Variants in DHX15 observed in about 807,000 individuals in gnomAD.
The protein encoded by DHX15 is DEAH-box helicase 15.
In DHX15, 11 loss-of-function variants were observed where a neutral mutation model predicts 94.4. The ratio of observed to expected loss-of-function variants is 0.12; its 90% CI spans 0.07 to 0.19. The LOEUF (loss-of-function observed/expected upper bound fraction) is 0.19, where lower values mean the gene tolerates loss of function less well. DHX15 is among the 10% of genes least tolerant of loss of function. The probability of loss-of-function intolerance (pLI) is 1.00; values close to 1 mark genes in which losing one functional copy is unlikely to be tolerated. For synonymous variants in DHX15, 338 were observed against 329.9 expected (o/e 1.02, Z -0.27); for missense variants, 304 against 988.5 (o/e 0.31, Z 9.29).
chr4:24,537,265 C>A lies in DHX15; in HGVS notation c.1787-92G>T. 6.4e-7 allele frequency: 1 copy of A among 1,562,212 alleles called. No homozygotes were observed. Among genetic ancestry groups the A allele is most frequent in the Non-Finnish European group, 8.7e-7 (1 of 1,149,532 alleles). On this transcript the variant is annotated intron_variant, in intron 10 of 13. Coordinates refer to ENST00000336812, the MANE Select transcript of DHX15 (RefSeq NM_001358.3). The surrounding 1 kb of genome is among the most constrained non-coding windows in gnomAD (Gnocchi z 4.7). ...GGAACAAGGCCTAGCTAGGTCAGTT[C>A]ACAGAGCATAGGGCAGGGCAGGATG...
chr4:24,547,931 A>ATATATC (rs1721478899), intron 6 of DHX15, among the ~76,000 whole-genome samples: 22 of 36,318 alleles, frequency 6.1e-4, no homozygotes, highest in African/African-American at 2.9e-3. Flanking sequence ...ATATATATAT[A>ATATATC]TATATATATA....
Position 24,540,920 on chromosome 4 carries a change from G to T in DHX15, c.1514C>A (p.Ser505Tyr). The change falls in exon 9 of 14, where the codon TCT (serine) becomes TAT (tyrosine). Residue 505 changes from serine to tyrosine, a missense_variant. Ser to Tyr is a moderately radical substitution (Grantham distance 144). Coordinates refer to ENST00000336812, the MANE Select transcript of DHX15 (RefSeq NM_001358.3). ...TTGTAACACAACTGATCCTAAATTAGAACGCAAAATCTCAGGATAGGTGTT... is the reference window on the plus strand; with the variant it reads ...TTGTAACACAACTGATCCTAAATTATAACGCAAAATCTCAGGATAGGTGTT... ...QDNTYPEILR[S>Y]NLGSVVLQLK... 1 of 1,607,258 alleles carries T rather than the reference G, an allele frequency of 6.2e-7. No individual in the cohort carries two copies. The highest frequency in any genetic ancestry group is 1.1e-5 in the South Asian group (1 of 90,402).
intron 3 of DHX15, among the ~76,000 whole-genome samples, chr4:24,569,525 G>C (rs1414014717): frequency 6.8e-6 from 1 of 146,204 alleles, no homozygotes; most frequent in Non-Finnish European, 1.5e-5. Flanking sequence ...CCGGGAGGCG[G>C]AGGTTGCAGA....
rs200816492 is a variant in DHX15, at chr4:24,531,389, GT to G, written c.2100+1474del. Among the ~76,000 whole-genome samples the G allele has an allele frequency of 4.0e-3, 610 of 151,648 alleles. 4 individuals carry two copies. Among genetic ancestry groups the G allele is most frequent in the African/African-American group, 0.014 (566 of 41,452 alleles). ...AGGCGTGAGCCACAGCGCCCGGCCA[GT>G]TTTTTTCTGAAATATAAAAAGCAAA... On this transcript the variant is annotated intron_variant, in intron 12 of 13. Transcript: ENST00000336812.
In DHX15 at chr4:24,533,064, T is replaced by G. The variant is rs3828558; in HGVS notation, c.1910-10A>C. 1 of 1,607,722 alleles carries G rather than the reference T, an allele frequency of 6.2e-7. No individual in the cohort carries two copies. The highest frequency in any genetic ancestry group is 8.5e-7 in the Non-Finnish European group (1 of 1,174,468). ...TGAACCGATTCATGATCTAAAAAGG[T>G]AGAAGGCGGGGAGAAAAGAAGGCAC... On this transcript the variant is annotated splice_polypyrimidine_tract_variant and intron_variant, in intron 11 of 13. Transcript: ENST00000336812.
chr4:24,574,205 CAA>C (rs61031930), intron 2 of DHX15, among the ~76,000 whole-genome samples: 2,976 of 68,758 alleles, frequency 0.043, 86 homozygotes, highest in African/African-American at 0.14. Context: ...GACTTTGTCT[CAA>C]AAAAAAAAAA....
chr4:24,554,019 C>T, intron 5 of DHX15, among the ~76,000 whole-genome samples: 1 of 151,896 alleles, frequency 6.6e-6, no homozygotes, highest in Middle Eastern at 3.2e-3. Flanking sequence ...GAGATTGAGA[C>T]CATCCTGGCT....
intron 3 of DHX15, among the ~76,000 whole-genome samples, chr4:24,568,321 G>T (rs1722041175): frequency 6.6e-6 from 1 of 152,128 alleles, no homozygotes; most frequent in African/African-American, 2.4e-5. Context: ...AGTTACATTT[G>T]AAATTTTTAA....
intron 5 of DHX15, among the ~76,000 whole-genome samples, chr4:24,550,094 CAAAAAAAAAAAAAAAAAA>C (rs58459661): frequency 2.0e-5 from 1 of 49,734 alleles, no homozygotes; most frequent in South Asian, 1.2e-3. Context: ...AACTCCGTCT[CAAAAAAAAAAAAAAAAAA>C]AAAAAAAAAA....
intron 3 of DHX15, among the ~76,000 whole-genome samples, chr4:24,569,775 A>G (rs1464583023): frequency 2.6e-5 from 4 of 151,444 alleles, no homozygotes; most frequent in East Asian, 1.9e-4. Context: ...CTTTTTTTTT[A>G]AAAGAAATGT....
intron 4 of DHX15, 132 bp from the exon 5 acceptor site, chr4:24,555,075 ATG>A: frequency 1.8e-6 from 1 of 569,018 alleles, no homozygotes; most frequent in Non-Finnish European, 3.0e-6. Flanking sequence ...TAAACTGTAA[ATG>A]AAAAATCAAA....
At chr4:24,547,927 A>ATATATATATC (rs1721477096) in intron 6 of DHX15, among the ~76,000 whole-genome samples, 3 of 102,960 alleles carry the variant, frequency 2.9e-5, no homozygotes, top group African/African-American at 7.7e-5. Flanking sequence ...ATATATATAT[A>ATATATATATC]TATATATATA....
chr4:24,576,032 C>T (rs538662801), intron 2 of DHX15, among the ~76,000 whole-genome samples: 12 of 152,202 alleles, frequency 7.9e-5, no homozygotes, highest in African/African-American at 2.9e-4. Flanking sequence ...ATTTGAAAAG[C>T]GAGCACCACT....
intron 3 of DHX15, among the ~76,000 whole-genome samples, chr4:24,567,415 A>G (rs1681208715): frequency 6.6e-6 from 1 of 152,024 alleles, no homozygotes; most frequent in Admixed American, 6.5e-5. Flanking sequence ...CGTCTCTACT[A>G]AAAATACAAA....
chr4:24,537,389 T>C lies in DHX15; in HGVS notation c.1787-216A>G. On this transcript the variant is annotated intron_variant, in intron 10 of 13. Coordinates refer to ENST00000336812, the MANE Select transcript of DHX15 (RefSeq NM_001358.3). The surrounding 1 kb of genome is among the most constrained non-coding windows in gnomAD (Gnocchi z 4.7). ...GAGGGTTTCAAAGCTACAGAGTACC[T>C]GATTATTTTAACTAGATCTAAAAGT... The C allele has an allele frequency of 2.2e-6, 1 of 462,968 alleles. No homozygotes were observed. The highest frequency in any genetic ancestry group is 3.7e-6 in the Non-Finnish European group (1 of 268,380). 28.7% of individuals were successfully genotyped at this position (462,968 alleles called of 1,614,324 possible).
At chr4:24,529,168 G>A (rs1027511421) in intron 13 of DHX15, among the ~76,000 whole-genome samples, 1 of 152,004 alleles carries the variant, frequency 6.6e-6, no homozygotes, top group Non-Finnish European at 1.5e-5. Context: ...GACTATAGAC[G>A]TGCAGCACCA....
intron 6 of DHX15, among the ~76,000 whole-genome samples, 177 bp downstream of exon 6, chr4:24,548,678 A>C (rs1721516155): frequency 6.6e-6 from 1 of 152,248 alleles, no homozygotes; most frequent in South Asian, 2.1e-4. Flanking sequence ...TAGAAGAAGC[A>C]GTACTCATTC....
chr4:24,570,583 A>G (rs1009636903), intron 3 of DHX15, 71 bp downstream of exon 3: 73 of 1,453,106 alleles, frequency 5.0e-5, no homozygotes, highest in South Asian at 1.4e-4. Flanking sequence ...CTGCACTAGC[A>G]AAGTCTTCTA....
chr4:24,576,525 T>C lies in DHX15; in HGVS notation c.225A>G (p.Pro75=), dbSNP rs1016643104. 1.9e-5 allele frequency: 31 copies of C among 1,613,978 alleles called. No homozygotes were observed. Among genetic ancestry groups the C allele is most frequent in the Non-Finnish European group, 2.5e-5 (30 of 1,180,018 alleles). Residue 75 remains proline, a synonymous_variant, in exon 2 of 14, where the codon CCA becomes CCG. Coordinates refer to ENST00000336812, the MANE Select transcript of DHX15 (RefSeq NM_001358.3). ...GAGCTGAATGGGAAGCTTTCAAAGG[T>C]GGTAATCCAGCACTGATAAGCATAG... The part of the protein sequence containing the change: ...TNAMLISAGL[P]PLKASHSAHS...
Sources: gnomAD v4.1 joint callset for allele counts (sites outside exome capture counted in the v4.1 genomes callset) on GRCh38, gnomAD v4.1.1 for gene constraint, Gnocchi (gnomAD v3.1) non-coding constraint, MANE v1.5 for transcripts, NCBI Gene and HGNC (gene_info 2026-07-23, HGNC 2026-07-21) for gene names.